CATSPER4: variants seen among roughly 807,000 people sequenced by gnomAD.
CATSPER4 encodes cation channel sperm associated 4.
CATSPER4 carries 46 observed loss-of-function variants against 54.4 expected under a neutral mutation model. The ratio of observed to expected loss-of-function variants is 0.84; its 90% CI spans 0.67 to 1.08. The LOEUF is 1.08. CATSPER4 is among the 50% of genes least tolerant of loss of function. The pLI is 0.00. For missense variants in CATSPER4, 574 were observed against 612.8 expected, an observed-to-expected ratio of 0.94 and a Z score of 0.67; for synonymous variants, 230 against 231.9, an observed-to-expected ratio of 0.99 and a Z score of 0.08.
chr1:26,190,722 G>C lies in CATSPER4; in HGVS notation c.95G>C (p.Gly32Ala), dbSNP rs1320824858. The change falls in exon 1 of 10, where the codon GGA (glycine) becomes GCA (alanine). Residue 32 changes from glycine (G) to alanine (A), a missense_variant. Gly to Ala is a moderately conservative substitution (Grantham distance 60). Transcript: ENST00000456354. ...ACTCAGGAGGACCGTATGGGGTTTG[G>C]AGGGGCAGTAGCTGCACTGAGGGGC... ...GGTQEDRMGF[G>A]GAVAALRGRP... is the part of the protein sequence containing the mutation. 3.1e-6 allele frequency: 5 copies of C among 1,613,504 alleles called. No individual in the cohort carries two copies. Among genetic ancestry groups the C allele is most frequent in the Non-Finnish European group, 4.2e-6 (5 of 1,179,918 alleles).
Position 26,200,810 on chromosome 1 carries a change from C to A in CATSPER4, c.988-20C>A. ...GCCTGCCTGAGCTGTCCCGACCCCT[C>A]TCTATCCCCCGCTTCCCAGACAGGC... On this transcript the variant is annotated intron_variant, in intron 7 of 9. Transcript: ENST00000456354. The A allele has an allele frequency of 1.2e-6, 2 of 1,608,224 alleles. No homozygotes were observed. Among genetic ancestry groups the A allele is most frequent in the Non-Finnish European group, 1.7e-6 (2 of 1,174,852 alleles).
chr1:26,197,167 A>G (rs1271472141), intron 3 of CATSPER4, among the ~76,000 whole-genome samples: 1 of 152,026 alleles, frequency 6.6e-6, no homozygotes, highest in African/African-American at 2.4e-5. Context: ...CAGACTCCCA[A>G]AGTGCTGGGA....
chr1:26,194,351 A>G (rs2088907851), intron 3 of CATSPER4, among the ~76,000 whole-genome samples: 1 of 152,212 alleles, frequency 6.6e-6, no homozygotes, highest in Admixed American at 6.5e-5. Context: ...GTGGACACCC[A>G]AATTGGAATT....
chr1:26,202,497 C>T lies in CATSPER4; in HGVS notation c.1374C>T (p.Asp458=), dbSNP rs762004612. ...GACCTCTTGGTTTGCAGGTTCATGA[C>T]TCTAGCTCACAAATACTCCTTAAAA... is the stretch of plus-strand genomic sequence containing the variant. ...SALVSMEKVH[D]SSSQILLKKH... is the part of the protein sequence containing the mutation. The change falls in exon 10 of 10, where the codon GAC becomes GAT. Residue 458 remains aspartate (D), a synonymous_variant. Coordinates refer to ENST00000456354, the MANE Select transcript of CATSPER4 (RefSeq NM_198137.2). The T allele has an allele frequency of 1.1e-5, 17 of 1,611,862 alleles. No homozygotes were observed. Among genetic ancestry groups the T allele is most frequent in the East Asian group, 8.9e-5 (4 of 44,860 alleles).
Sources: gnomAD v4.1 joint callset for allele counts (sites outside exome capture counted in the v4.1 genomes callset) on GRCh38, gnomAD v4.1.1 for gene constraint, MANE v1.5 for transcripts, NCBI Gene and HGNC (gene_info 2026-07-23, HGNC 2026-07-21) for gene names.